Variants in DCBLD2 observed in about 807,000 individuals in gnomAD.
The protein encoded by DCBLD2 is discoidin, CUB and LCCL domain containing 2.
Under a neutral mutation model 86.8 loss-of-function variants are expected in DCBLD2, and 54 were observed. The ratio of observed to expected loss-of-function variants is 0.62; its 90% CI spans 0.50 to 0.78. The LOEUF is 0.78. Among genes scored for constraint, DCBLD2 ranks in the 30% least tolerant of loss-of-function variants. The pLI is 0.00. For missense variants in DCBLD2, 908 were observed against 954.2 expected (o/e 0.95, Z 0.64); for synonymous variants, 354 against 341.3 (o/e 1.04, Z -0.41).
chr3:98,891,601 GA>G (rs1358090931), intron 1 of DCBLD2, among the ~76,000 whole-genome samples: 1 of 152,008 alleles, frequency 6.6e-6, no homozygotes, highest in Non-Finnish European at 1.5e-5. Context: ...ATGATACAAC[GA>G]AGTTCAAATG....
At chr3:98,893,769 T>A (rs1311524971) in intron 1 of DCBLD2, among the ~76,000 whole-genome samples, 4 of 152,188 alleles carry the variant, frequency 2.6e-5, no homozygotes, top group Non-Finnish European at 4.4e-5. Context: ...AAAATTCACA[T>A]TCCCCAATGT....
At chr3:98,851,510 G>A (rs1942836295) in intron 2 of DCBLD2, among the ~76,000 whole-genome samples, 1 of 152,082 alleles carries the variant, frequency 6.6e-6, no homozygotes. Context: ...TGGCCATAAT[G>A]CCCAAATGTA....
chr3:98,825,219 C>T (rs1350558561), intron 4 of DCBLD2, 96 bp downstream of exon 4: 3 of 912,772 alleles, frequency 3.3e-6, no homozygotes, highest in Admixed American at 4.1e-5. Context: ...ACACAATATA[C>T]ATTAACCCTA....
chr3:98,799,750 T>G lies in DCBLD2; in HGVS notation c.1950A>C (p.Ala650=). The change falls in exon 16 of 16, where the codon GCA becomes GCC. Residue 650 remains alanine (A), a synonymous_variant. Coordinates refer to ENST00000326840, the MANE Select transcript of DCBLD2 (RefSeq NM_080927.4). ...CTGGTGAGTTGTAAGGATCTAGGTCTGCATAGCCTGCTTCTTTTCCTTCTT... is the reference window on the plus strand; with the variant it reads ...CTGGTGAGTTGTAAGGATCTAGGTCGGCATAGCCTGCTTCTTTTCCTTCTT... ...KPEEGKEAGY[A]DLDPYNSPGQ... 1 of 1,614,002 alleles carries G rather than the reference T, an allele frequency of 6.2e-7. No individual in the cohort carries two copies. Among genetic ancestry groups the G allele is most frequent in the Non-Finnish European group, 8.5e-7 (1 of 1,179,874 alleles).
intron 14 of DCBLD2, 161 bp from the exon 15 acceptor site, chr3:98,800,877 T>TA (rs1370101262): frequency 8.4e-6 from 7 of 833,138 alleles, no homozygotes; most frequent in Non-Finnish European, 1.3e-5. Context: ...TTTGCTGTGA[T>TA]AGACTATCCA....
At chr3:98,808,322 G>T in intron 12 of DCBLD2, 148 bp from the exon 13 acceptor site, 1 of 635,070 alleles carries the variant, frequency 1.6e-6, no homozygotes, top group Non-Finnish European at 2.5e-6. Context: ...CTGGGCATGT[G>T]GTGGTAACTG....
At chr3:98,838,849 G>A (rs575884505) in intron 3 of DCBLD2, among the ~76,000 whole-genome samples, 3 of 152,052 alleles carry the variant, frequency 2.0e-5, no homozygotes, top group African/African-American at 4.8e-5. Context: ...GCTGGAGACC[G>A]GCCCGGCCAA....
chr3:98,862,229 A>G (rs1361142192), intron 2 of DCBLD2, among the ~76,000 whole-genome samples: 2 of 151,716 alleles, frequency 1.3e-5, no homozygotes, highest in Admixed American at 1.3e-4. Flanking sequence ...AGGCAATAAT[A>G]GCCTACCAAC....
intron 1 of DCBLD2, among the ~76,000 whole-genome samples, chr3:98,883,459 A>T (rs897312937): frequency 6.6e-6 from 1 of 152,224 alleles, no homozygotes; most frequent in African/African-American, 2.4e-5. Context: ...TGGCAGCAGC[A>T]TTATTTGCTC....
rs116718221 is a variant in DCBLD2 at position 98,892,030 on chromosome 3, C to T, written c.205+9092G>A. On this transcript the variant is annotated intron_variant, in intron 1 of 15. Transcript: ENST00000326840. ...ACACAGAAATAAAACATACAAGGCT[C>T]TTAGCACATGCTGTTGAATGAGAAA... Among the ~76,000 whole-genome samples, 541 of 152,262 alleles carry T rather than the reference C, an allele frequency of 3.6e-3. 1 individual carries two copies. The highest frequency in any genetic ancestry group is 0.016 in the East Asian group (85 of 5,188).
At chr3:98,887,072 A>G (rs1340979103) in intron 1 of DCBLD2, among the ~76,000 whole-genome samples, 2 of 151,992 alleles carry the variant, frequency 1.3e-5, no homozygotes, top group Non-Finnish European at 2.9e-5. Flanking sequence ...CTGAATTTTA[A>G]TAATATGAAC....
At chr3:98,824,715 G>C (rs1447899839) in intron 4 of DCBLD2, among the ~76,000 whole-genome samples, 1 of 152,112 alleles carries the variant, frequency 6.6e-6, no homozygotes, top group African/African-American at 2.4e-5. Flanking sequence ...CCTGAGGACT[G>C]CTTGTGAAAG....
chr3:98,874,806 A>G (rs1943339575), intron 2 of DCBLD2, among the ~76,000 whole-genome samples: 1 of 152,242 alleles, frequency 6.6e-6, no homozygotes, highest in African/African-American at 2.4e-5. Flanking sequence ...ATGTGAGGAC[A>G]CAGGAAGAAG....
intron 2 of DCBLD2, among the ~76,000 whole-genome samples, chr3:98,867,436 T>G (rs1943172472): frequency 6.6e-6 from 1 of 152,208 alleles, no homozygotes; most frequent in African/African-American, 2.4e-5. Context: ...GTAAGTTGGA[T>G]TCCTAGGTAT....
intron 2 of DCBLD2, among the ~76,000 whole-genome samples, chr3:98,860,350 C>G (rs993140721): frequency 6.6e-6 from 1 of 152,128 alleles, no homozygotes; most frequent in Non-Finnish European, 1.5e-5. Context: ...CAGGCCAACA[C>G]TCAAATTCAG....
intron 5 of DCBLD2, 23 bp downstream of exon 5, chr3:98,822,646 A>G: frequency 1.3e-6 from 2 of 1,544,958 alleles, no homozygotes; most frequent in Non-Finnish European, 1.7e-6. Flanking sequence ...CACAATTTTC[A>G]AATAAGTTTA....
chr3:98,889,926 C>T (rs1943629358), intron 1 of DCBLD2, among the ~76,000 whole-genome samples: 1 of 151,992 alleles, frequency 6.6e-6, no homozygotes, highest in African/African-American at 2.4e-5. Context: ...CAACTAAAAA[C>T]ACACAAAACC....
chr3:98,801,890 A>C (rs1438757430), intron 13 of DCBLD2: 2 of 394,252 alleles, frequency 5.1e-6, no homozygotes, highest in Non-Finnish European at 4.6e-6. Flanking sequence ...GGAACTCATC[A>C]TTTTTTATGG....
At chr3:98,836,996 C>T (rs1360196706) in intron 3 of DCBLD2, among the ~76,000 whole-genome samples, 4 of 67,310 alleles carry the variant, frequency 5.9e-5, no homozygotes, top group Non-Finnish European at 1.2e-4. Context: ...TAGGGGCGGC[C>T]GGGCAGAGGC....
Sources: gnomAD v4.1 joint callset for allele counts (sites outside exome capture counted in the v4.1 genomes callset) on GRCh38, gnomAD v4.1.1 for gene constraint, MANE v1.5 for transcripts, NCBI Gene and HGNC (gene_info 2026-07-23, HGNC 2026-07-21) for gene names.